The following CNNM1 variants were observed in gnomAD, a reference collection of about 807,000 sequenced individuals.
CNNM1 encodes metal transporter CNNM1.
In CNNM1, 44 loss-of-function variants were observed where a neutral mutation model predicts 78.8. The ratio of observed to expected loss-of-function variants is 0.56; its 90% CI spans 0.44 to 0.72. The LOEUF (loss-of-function observed/expected upper bound fraction) is 0.72, where lower values mean the gene tolerates loss of function less well. Ranked by LOEUF, CNNM1 falls within the 30% of genes least tolerant of loss-of-function variation. The probability of loss-of-function intolerance (pLI) is 0.00; values close to 1 mark genes in which losing one functional copy is unlikely to be tolerated. For synonymous variants in CNNM1, 584 were observed against 581.5 expected (o/e 1.00, Z -0.06); for missense variants, 1,101 against 1,292.2 (o/e 0.85, Z 2.27).
At position 99,387,854 on chromosome 10, in the gene CNNM1, C is replaced by T; in HGVS notation, c.2375C>T (p.Ala792Val). 6.2e-7 allele frequency: 1 copy of T among 1,611,000 alleles called. No homozygotes were observed. Among genetic ancestry groups the T allele is most frequent in the African/African-American group, 1.3e-5 (1 of 74,982 alleles). The change falls in exon 8 of 11, where the codon GCC becomes GTC. Residue 792 changes from alanine to valine, a missense_variant. This residue lies in a region of CNNM1 where 348 missense variants were observed against 384.5 expected (regional missense o/e 0.90). Transcript: ENST00000356713. ...TRQQYQNALT[A>V]CHMDSSPQSP... is the part of the protein sequence containing the mutation. ...CAGCAATATCAGAACGCACTCACTG[C>T]CTGCCACATGGACAGCTCACCTCAG...
chr10:99,329,792 G>A lies in CNNM1; in HGVS notation c.405G>A (p.Glu135=), dbSNP rs1397810182. 2.7e-6 allele frequency: 4 copies of A among 1,479,108 alleles called. No homozygotes were observed. In the Admixed American group the frequency reaches 7.0e-5, roughly 26 times the overall value. 91.6% of individuals were successfully genotyped at this position (1,479,108 alleles called of 1,614,324 possible). ...TRPPGPQRCR[E]QSDWASDVEV... ...CCCCGGGACCGCAGCGCTGCAGGGA[G>A]CAGAGCGACTGGGCATCGGACGTGG... Residue 135 remains glutamate, a synonymous_variant, in exon 1 of 11, where the codon GAG becomes GAA. Transcript: ENST00000356713.
intron 1 of CNNM1, among the ~76,000 whole-genome samples, chr10:99,356,568 G>GAAAGAAAAGAAAAGA (rs1564947170): frequency 1.8e-5 from 2 of 112,672 alleles, no homozygotes; most frequent in Non-Finnish European, 3.6e-5. Flanking sequence ...CAGACAGAAA[G>GAAAGAAAAGAAAAGA]AAAGAAAGAA....
chr10:99,366,531 C>T (rs1161362110), intron 6 of CNNM1, among the ~76,000 whole-genome samples: 1 of 151,866 alleles, frequency 6.6e-6, no homozygotes, highest in Non-Finnish European at 1.5e-5. Flanking sequence ...CACCTGTAAT[C>T]CCAGCACTTT....
rs562170205 is a variant in CNNM1, at chr10:99,340,876, T to TCCTGCCTGCCTGCCTGCCTGCCTGCCTG, written c.1573+9925_1573+9952dup. On this transcript the variant is annotated intron_variant, in intron 1 of 10. Coordinates refer to ENST00000356713, the MANE Select transcript of CNNM1 (RefSeq NM_020348.3). ...CTCCTTCCCCGCTTCCTTCCTTCCT[T>TCCTGCCTGCCTGCCTGCCTGCCTGCCTG]CCTGCCTGCCTGCCTGCCTGCCTGC... 4.1e-3 allele frequency among the ~76,000 whole-genome samples: 562 copies of TCCTGCCTGCCTGCCTGCCTGCCTGCCTG among 138,246 alleles called. 6 individuals carry two copies. Among genetic ancestry groups the TCCTGCCTGCCTGCCTGCCTGCCTGCCTG allele is most frequent in the African/African-American group, 0.013 (441 of 33,314 alleles). 90.7% of individuals were successfully genotyped at this position (138,246 alleles called of 152,430 possible). A position where few individuals can be genotyped will look rare whatever the true frequency, so the allele number is the denominator to read the frequency against.
intron 7 of CNNM1, among the ~76,000 whole-genome samples, chr10:99,384,302 T>C (rs761054056): frequency 3.9e-5 from 6 of 152,152 alleles, no homozygotes; most frequent in Non-Finnish European, 8.8e-5. Flanking sequence ...AACAATTTCT[T>C]TTAAGGCAAC....
At chr10:99,341,733 A>G (rs930203056) in intron 1 of CNNM1, among the ~76,000 whole-genome samples, 1 of 152,212 alleles carries the variant, frequency 6.6e-6, no homozygotes, top group Admixed American at 6.5e-5. Flanking sequence ...CCATTATCAT[A>G]ATGCTGCTTT....
intron 7 of CNNM1, 121 bp downstream of exon 7, chr10:99,377,339 T>G: frequency 1.0e-6 from 1 of 956,568 alleles, no homozygotes; most frequent in Non-Finnish European, 1.6e-6. Flanking sequence ...TGTGTTCCAA[T>G]ACAGTGCTGG....
intron 3 of CNNM1, 66 bp downstream of exon 3, chr10:99,361,041 C>G (rs765649840): frequency 1.6e-5 from 24 of 1,462,022 alleles, no homozygotes; most frequent in East Asian, 2.4e-5. Context: ...AGGCACCAAT[C>G]GTTGTTAATA....
intron 7 of CNNM1, among the ~76,000 whole-genome samples, chr10:99,385,007 C>T (rs2032267677): frequency 6.7e-6 from 1 of 150,034 alleles, no homozygotes; most frequent in Non-Finnish European, 1.5e-5. Context: ...GCAAAGGTTG[C>T]ACCACTGCAC....
chr10:99,380,790 CAAAA>C (rs11368296), intron 7 of CNNM1, among the ~76,000 whole-genome samples: 1 of 142,596 alleles, frequency 7.0e-6, no homozygotes. Context: ...GACTCGGCCT[CAAAA>C]AAAAAAAAAG....
At chr10:99,390,434 G>A (rs1416034702) in intron 10 of CNNM1, 27 bp downstream of exon 10, 1 of 1,515,794 alleles carries the variant, frequency 6.6e-7, no homozygotes, top group East Asian at 2.3e-5. Flanking sequence ...TCACCCAAAT[G>A]AGAGCCACCC....
In CNNM1 at chr10:99,393,104, TCTC is replaced by T. The variant is rs1222708408; in HGVS notation, c.*1589_*1591del. On this transcript the variant is annotated 3_prime_UTR_variant, in exon 11 of 11. Transcript: ENST00000356713. ...GATCTGTCTCCTACTCTTTAGATGTTCTCAGTCAAGTACTCACTGAACTCATTG... is the reference window on the plus strand; with the variant it reads ...GATCTGTCTCCTACTCTTTAGATGTTAGTCAAGTACTCACTGAACTCATTG... 1 of 152,264 alleles carries T rather than the reference TCTC, an allele frequency of 6.6e-6. No individual in the cohort carries two copies. The highest frequency in any genetic ancestry group is 2.4e-5 in the African/African-American group (1 of 41,446). The allele number at this position is 152,264 out of a possible 1,614,324, so 9.4% of individuals were successfully genotyped here.
intron 1 of CNNM1, among the ~76,000 whole-genome samples, chr10:99,340,235 A>G (rs535810061): frequency 6.6e-6 from 1 of 152,306 alleles, no homozygotes; most frequent in South Asian, 2.1e-4. Flanking sequence ...GCCTGGCAAA[A>G]GAAATGCCAG....
rs567450826 is a variant in CNNM1 at position 99,387,982 on chromosome 10, A to G, written c.2503A>G (p.Asn835Asp). The change falls in exon 8 of 11, where the codon AAC (asparagine) becomes GAC (aspartate). Residue 835 changes from asparagine to aspartate, a missense_variant. Coordinates refer to ENST00000356713, the MANE Select transcript of CNNM1 (RefSeq NM_020348.3). ...GGATGACCCCGCCATCACGCTCCTC[A>G]ACAACAGGAACAGCCTGCCGTGTAA... ...PKDDPAITLL[N>D]NRNSLPCSRS... 1 of 1,593,750 alleles carries G rather than the reference A, an allele frequency of 6.3e-7. No individual in the cohort carries two copies. The highest frequency in any genetic ancestry group is 2.2e-5 in the East Asian group (1 of 44,714).
In CNNM1 at chr10:99,391,467, G is replaced by A; in HGVS notation, c.2807G>A (p.Gly936Glu). The A allele has an allele frequency of 1.9e-6, 3 of 1,613,972 alleles. No individual in the cohort carries two copies. The highest frequency in any genetic ancestry group is 1.1e-5 in the South Asian group (1 of 91,064). ...CAAAAAAGGAAGAGGTCACCAGAAG[G>A]AGAGAGAACCTCTGAGGACAACTCC... ...SGQKRKRSPEGERTSEDNSNL... is the reference protein window; with the variant it reads ...SGQKRKRSPEEERTSEDNSNL... The change falls in exon 11 of 11, where the codon GGA becomes GAA. Residue 936 changes from glycine (G) to glutamate (E), a missense_variant. By Grantham distance (98) the Gly-to-Glu change is moderately conservative. Coordinates refer to ENST00000356713, the MANE Select transcript of CNNM1 (RefSeq NM_020348.3).
At chr10:99,388,559 C>A (rs2032377398) in intron 9 of CNNM1, among the ~76,000 whole-genome samples, 1 of 152,204 alleles carries the variant, frequency 6.6e-6, no homozygotes, top group South Asian at 2.1e-4. Flanking sequence ...CAGACCCTGG[C>A]TCCTTCGTTT....
intron 7 of CNNM1, among the ~76,000 whole-genome samples, chr10:99,380,522 G>GGCTGGGTGCAGCA (rs1220197884): frequency 2.6e-5 from 4 of 152,110 alleles, no homozygotes; most frequent in Non-Finnish European, 5.9e-5. Flanking sequence ...TGGGTGCGGT[G>GGCTGGGTGCAGCA]GCTCACACCT....
intron 1 of CNNM1, among the ~76,000 whole-genome samples, chr10:99,339,032 T>A (rs1400056173): frequency 6.6e-6 from 1 of 152,234 alleles, no homozygotes; most frequent in Non-Finnish European, 1.5e-5. Context: ...GGGAAAGGAA[T>A]AAAGCTTTGT....
intron 6 of CNNM1, among the ~76,000 whole-genome samples, chr10:99,376,836 C>T (rs2031977163): frequency 6.6e-6 from 1 of 152,134 alleles, no homozygotes; most frequent in Non-Finnish European, 1.5e-5. Flanking sequence ...ATTTGTTCCT[C>T]TTAGGAATAA....
Sources: gnomAD v4.1 joint callset for allele counts (sites outside exome capture counted in the v4.1 genomes callset) on GRCh38, gnomAD v4.1.1 for gene constraint, gnomAD v4.1.1 regional missense constraint, MANE v1.5 for transcripts, NCBI Gene and HGNC (gene_info 2026-07-23, HGNC 2026-07-21) for gene names.